The following SLC39A12 variants were observed in gnomAD, a reference collection of about 807,000 sequenced individuals.
The protein encoded by SLC39A12 is zinc transporter ZIP12.
A neutral mutation model predicts 71.1 loss-of-function variants in SLC39A12; 63 were observed. That is an observed-to-expected ratio of 0.89 (90% CI 0.72 to 1.09). The LOEUF is 1.09. Ranked by LOEUF, SLC39A12 falls within the 50% of genes least tolerant of loss-of-function variation. The probability of loss-of-function intolerance (pLI) is 0.00; values close to 1 mark genes in which losing one functional copy is unlikely to be tolerated. For missense variants in SLC39A12, 892 were observed against 812.6 expected, an observed-to-expected ratio of 1.10 and a Z score of -1.19; for synonymous variants, 351 against 301.3, an observed-to-expected ratio of 1.16 and a Z score of -1.71.
chr10:18,003,151 C>T lies in SLC39A12; in HGVS notation c.1760-20C>T. The T allele has an allele frequency of 6.2e-7, 1 of 1,603,276 alleles. No homozygotes were observed. Among genetic ancestry groups the T allele is most frequent in the Non-Finnish European group, 8.5e-7 (1 of 1,175,268 alleles). ...TTCCATTAAATGATAATTATATTTTCCTTTCCTCTTAAACTTCAGGAGACT... is the reference window on the plus strand; with the variant it reads ...TTCCATTAAATGATAATTATATTTTTCTTTCCTCTTAAACTTCAGGAGACT... On this transcript the variant is annotated intron_variant, in intron 11 of 12. Transcript: ENST00000377369.
chr10:17,953,979 T>C (rs1834475321), intron 2 of SLC39A12, among the ~76,000 whole-genome samples: 1 of 152,200 alleles, frequency 6.6e-6, no homozygotes, highest in African/African-American at 2.4e-5. Flanking sequence ...TTTTCTAATA[T>C]TATGCATGGC....
chr10:18,016,270 G>A (rs149845037), intron 12 of SLC39A12, among the ~76,000 whole-genome samples: 2 of 152,232 alleles, frequency 1.3e-5, no homozygotes, highest in East Asian at 3.9e-4. Context: ...TTTTCAGAAT[G>A]TCATATAGTT....
Position 17,952,774 on chromosome 10 carries a change from A to C in SLC39A12, c.-86-417A>C, listed in dbSNP as rs1227176440. On this transcript the variant is annotated intron_variant, in intron 1 of 12. Transcript: ENST00000377369. ...AGTGCTGGGATTACTGGTGTGAGCT[A>C]CCGCGCCTGGCCTAAAACTTTTAAA... Among the ~76,000 whole-genome samples the C allele has an allele frequency of 2.0e-5, 3 of 152,118 alleles. No individual in the cohort carries two copies. In the East Asian group the frequency reaches 5.8e-4, roughly 29 times the overall value.
chr10:17,952,311 G>A (rs1461277470), intron 1 of SLC39A12, among the ~76,000 whole-genome samples: 1 of 22,364 alleles, frequency 4.5e-5, no homozygotes. Context: ...CTGAGTGAGT[G>A]TGTGTGTGTG....
chr10:17,971,224 T>C (rs779095813), intron 4 of SLC39A12, among the ~76,000 whole-genome samples: 36 of 148,154 alleles, frequency 2.4e-4, no homozygotes, highest in Non-Finnish European at 4.8e-4. Flanking sequence ...TTGTTGAGGA[T>C]TTTTGCATCA....
chr10:18,028,525 G>A (rs903678725), intron 12 of SLC39A12, among the ~76,000 whole-genome samples: 7 of 151,738 alleles, frequency 4.6e-5, no homozygotes, highest in African/African-American at 1.7e-4. Flanking sequence ...GAGTTCCAGA[G>A]GATGTTTTGT....
Position 17,991,306 on chromosome 10 carries a change from A to G in SLC39A12, c.1422+3A>G. 1 of 1,570,868 alleles carries G rather than the reference A, an allele frequency of 6.4e-7. No individual in the cohort carries two copies. The highest frequency in any genetic ancestry group is 8.6e-7 in the Non-Finnish European group (1 of 1,165,564). On this transcript the variant is annotated splice_donor_region_variant and intron_variant, in intron 8 of 12. Transcript: ENST00000377369. ...TTCTTGTATCACCAAATGACAAGGT[A>G]TATTTTTAAGTTTTATTTGTCTTGT...
At chr10:18,003,888 T>A (rs1484066331) in intron 12 of SLC39A12, among the ~76,000 whole-genome samples, 6 of 152,262 alleles carry the variant, frequency 3.9e-5, no homozygotes, top group Admixed American at 6.5e-5. Flanking sequence ...ATGTGTTTTT[T>A]AAATAATGAT....
At chr10:18,034,652 A>T (rs1836946414) in intron 12 of SLC39A12, among the ~76,000 whole-genome samples, 1 of 150,974 alleles carries the variant, frequency 6.6e-6, no homozygotes. Context: ...TTTACATTTA[A>T]AGTTAATATT....
At chr10:18,037,805 C>G (rs1335208409) in intron 12 of SLC39A12, among the ~76,000 whole-genome samples, 1 of 151,748 alleles carries the variant, frequency 6.6e-6, no homozygotes, top group Non-Finnish European at 1.5e-5. Context: ...GGGCGGATCA[C>G]CGTCAGGAGA....
At position 17,952,395 on chromosome 10, in the gene SLC39A12, G is replaced by C. The variant is rs565120101; in HGVS notation, c.-87+370G>C. Among the ~76,000 whole-genome samples, 6 of 151,162 alleles carry C rather than the reference G, an allele frequency of 4.0e-5. No homozygotes were observed. The South Asian group carries it at 1.0e-3, about 26-fold the overall frequency. On this transcript the variant is annotated intron_variant, in intron 1 of 12. Transcript: ENST00000377369. The stretch of plus-strand genomic sequence containing the variant: ...TCCTGCTCTAGAATCTTGATTCTTA[G>C]TAAACTAAAAAAAAGACCTGTGTTT...
intron 6 of SLC39A12, among the ~76,000 whole-genome samples, chr10:17,981,949 C>CA (rs1324757722): frequency 6.6e-6 from 1 of 152,148 alleles, no homozygotes; most frequent in African/African-American, 2.4e-5. Context: ...CTGAGTCATG[C>CA]TTTTTTTCCT....
intron 12 of SLC39A12, among the ~76,000 whole-genome samples, chr10:18,040,708 G>A (rs941264921): frequency 7.3e-5 from 11 of 150,426 alleles, no homozygotes; most frequent in Non-Finnish European, 1.2e-4. Context: ...GGCAGAGGTT[G>A]CAGTGAGCCG....
At chr10:18,037,950 G>A (rs1289732630) in intron 12 of SLC39A12, among the ~76,000 whole-genome samples, 1 of 143,462 alleles carries the variant, frequency 7.0e-6, no homozygotes, top group Non-Finnish European at 1.5e-5. Context: ...AACCCGGGAG[G>A]TGGAGATTGC....
intron 12 of SLC39A12, among the ~76,000 whole-genome samples, chr10:18,007,669 T>TC (rs984067707): frequency 7.3e-4 from 111 of 151,840 alleles, no homozygotes; most frequent in East Asian, 1.9e-3. Flanking sequence ...GATTATTCAT[T>TC]CCCCCCCCTT....
At chr10:17,963,779 T>G in intron 3 of SLC39A12, among the ~76,000 whole-genome samples, 1 of 152,162 alleles carries the variant, frequency 6.6e-6, no homozygotes, top group Non-Finnish European at 1.5e-5. Context: ...TTTCCAGGTC[T>G]TGGTCTGCAC....
chr10:17,979,217 A>T (rs754047564), intron 5 of SLC39A12, among the ~76,000 whole-genome samples: 104 of 152,230 alleles, frequency 6.8e-4, no homozygotes, highest in Non-Finnish European at 7.3e-4. Flanking sequence ...AAAATTTTAT[A>T]GAATATAATG....
intron 4 of SLC39A12, among the ~76,000 whole-genome samples, chr10:17,976,729 GA>G (rs1408563987): frequency 1.3e-5 from 2 of 152,148 alleles, no homozygotes; most frequent in African/African-American, 4.8e-5. Context: ...TGGTCCTCAA[GA>G]TTTTATCTTT....
intron 12 of SLC39A12, chr10:18,005,979 G>T (rs950056461): frequency 6.6e-6 from 1 of 152,130 alleles, no homozygotes; most frequent in Non-Finnish European, 1.5e-5. Flanking sequence ...TTAACTGTTG[G>T]TTTTCTCTGG....
Sources: gnomAD v4.1 joint callset for allele counts (sites outside exome capture counted in the v4.1 genomes callset) on GRCh38, gnomAD v4.1.1 for gene constraint, MANE v1.5 for transcripts, NCBI Gene and HGNC (gene_info 2026-07-23, HGNC 2026-07-21) for gene names.